BTG4: variants seen among roughly 807,000 people sequenced by gnomAD.
BTG4 encodes protein BTG4.
In BTG4, 10 loss-of-function variants were observed where a neutral mutation model predicts 19.3. The observed-to-expected ratio is 0.52, with a 90% CI of 0.32 to 0.88. BTG4 has a LOEUF of 0.88. BTG4 is among the 40% of genes least tolerant of loss of function. The probability of loss-of-function intolerance (pLI) is 0.04; values close to 1 mark genes in which losing one functional copy is unlikely to be tolerated. For synonymous variants in BTG4, 91 were observed against 95.7 expected (o/e 0.95, Z 0.29); for missense variants, 238 against 281.9 (o/e 0.84, Z 1.11).
At chr11:111,509,911 CTTTTT>C (rs1450409427) in intron 1 of BTG4, among the ~76,000 whole-genome samples, 2 of 114,722 alleles carry the variant, frequency 1.7e-5, no homozygotes, top group Admixed American at 9.5e-5. Context: ...TTTCTTTTTT[CTTTTT>C]TTTTTTTTTT....
the BTG4 span, chr11:111,416,419 G>A: frequency 2.6e-5 from 4 of 151,502 alleles, no homozygotes; most frequent in East Asian, 1.9e-4. Flanking sequence ...CTCTAATTTC[G>A]GGTCCCCAAG....
At chr11:111,474,786 T>C (rs1864301204) in intron 5 of BTG4, among the ~76,000 whole-genome samples, 1 of 152,192 alleles carries the variant, frequency 6.6e-6, no homozygotes, top group Non-Finnish European at 1.5e-5. Flanking sequence ...CTGGTTGCTT[T>C]CCATTTCTAT....
downstream of BTG4, chr11:111,464,728 G>C (rs976384091): frequency 1.3e-5 from 2 of 152,180 alleles, no homozygotes; most frequent in African/African-American, 4.8e-5. Context: ...GGGCACTGAA[G>C]GTATGTGATG....
At chr11:111,412,314 T>G in the BTG4 span, among the ~76,000 whole-genome samples, 1 of 152,248 alleles carries the variant, frequency 6.6e-6, no homozygotes, top group Non-Finnish European at 1.5e-5. Context: ...ATCTTGGAAC[T>G]ACTTGATTTT....
At chr11:111,457,779 G>A in the BTG4 span, 6 of 136,796 alleles carry the variant, frequency 4.4e-5, no homozygotes, top group Non-Finnish European at 7.6e-5. Flanking sequence ...TTCCCCTTAT[G>A]CCACACCTGC....
chr11:111,430,850 T>C, the BTG4 span, among the ~76,000 whole-genome samples: 2 of 152,230 alleles, frequency 1.3e-5, no homozygotes, highest in African/African-American at 4.8e-5. Context: ...TAACCCCAGA[T>C]TAAAGTGCCT....
the BTG4 span, among the ~76,000 whole-genome samples, chr11:111,445,693 T>A: frequency 6.6e-6 from 1 of 152,194 alleles, no homozygotes; most frequent in Non-Finnish European, 1.5e-5. Context: ...CAACCTGAAC[T>A]CTATTTTAGT....
downstream of BTG4, among the ~76,000 whole-genome samples, chr11:111,489,952 G>A (rs112148225): frequency 0.01 from 1,562 of 152,140 alleles, 17 homozygotes; most frequent in African/African-American, 0.035. Flanking sequence ...GATGACCATA[G>A]TCGATAAGTT....
At chr11:111,484,863 C>A (rs1302408375) in intron 5 of BTG4, among the ~76,000 whole-genome samples, 3 of 152,046 alleles carry the variant, frequency 2.0e-5, no homozygotes, top group Non-Finnish European at 2.9e-5. Context: ...TTAAAACACC[C>A]AACTACATGC....
the BTG4 span, among the ~76,000 whole-genome samples, chr11:111,429,969 G>A: frequency 3.3e-5 from 5 of 152,144 alleles, no homozygotes. Flanking sequence ...TTGTCTTAGT[G>A]TACTTAAATC....
At position 111,495,176 on chromosome 11, in the gene BTG4, G is replaced by T; in HGVS notation, c.649C>A (p.His217Asn). The change falls in exon 5 of 5, where the codon CAC becomes AAC. Residue 217 changes from histidine (H) to asparagine (N), a missense_variant. Transcript: ENST00000692032. ...ACCCAGTGGTACCTGTCCAGCCGGT[G>T]CATAGCAGGCCTGTAACACTTAGGA... ...KHPKCYRPAM[H>N]RLDRYHWVNT... The T allele has an allele frequency of 5.6e-6, 9 of 1,598,946 alleles. 1 individual carries two copies. In the South Asian group the frequency reaches 1.0e-4, roughly 18 times the overall value.
chr11:111,454,452 A>T, the BTG4 span: 1 of 380,682 alleles, frequency 2.6e-6, no homozygotes, highest in South Asian at 2.0e-5. Context: ...GTTATAGGAC[A>T]TAGAGTCCAA....
chr11:111,412,320 A>G, the BTG4 span, among the ~76,000 whole-genome samples: 1 of 152,184 alleles, frequency 6.6e-6, no homozygotes, highest in Non-Finnish European at 1.5e-5. Flanking sequence ...GAACTACTTG[A>G]TTTTAGGATA....
At chr11:111,490,983 T>C (rs1474817972), downstream of BTG4, among the ~76,000 whole-genome samples, 1 of 152,246 alleles carries the variant, frequency 6.6e-6, no homozygotes, top group African/African-American at 2.4e-5. Flanking sequence ...TCGGTTGTTC[T>C]TTGACAGGTA....
chr11:111,387,082 TAG>T, the BTG4 span, among the ~76,000 whole-genome samples: 1 of 152,220 alleles, frequency 6.6e-6, no homozygotes, highest in Admixed American at 6.5e-5. Flanking sequence ...TAGGCTAGTA[TAG>T]AGTTTTCTAC....
At chr11:111,478,315 G>C (rs188761407) in intron 5 of BTG4, among the ~76,000 whole-genome samples, 111 of 152,206 alleles carry the variant, frequency 7.3e-4, no homozygotes, top group African/African-American at 2.6e-3. Context: ...AGGGAAACCC[G>C]GACTTTTACT....
chr11:111,514,668 T>A, upstream of BTG4: 2 of 765,360 alleles, frequency 2.6e-6, no homozygotes, highest in Non-Finnish European at 4.1e-6. Flanking sequence ...AACACCTACC[T>A]AGGAAACCGA....
the BTG4 span, among the ~76,000 whole-genome samples, chr11:111,384,505 C>T: frequency 3.9e-5 from 6 of 152,164 alleles, no homozygotes; most frequent in Middle Eastern, 6.8e-3. Context: ...GTATACTTTT[C>T]CACAGCAAAA....
At chr11:111,386,358 A>G in the BTG4 span, 1 of 152,256 alleles carries the variant, frequency 6.6e-6, no homozygotes, top group Non-Finnish European at 1.5e-5. Context: ...TTAGATAGAA[A>G]GAAAATTCAT....
Sources: gnomAD v4.1 joint callset for allele counts (sites outside exome capture counted in the v4.1 genomes callset) on GRCh38, gnomAD v4.1.1 for gene constraint, MANE v1.5 for transcripts, NCBI Gene and HGNC (gene_info 2026-07-23, HGNC 2026-07-21) for gene names.